The following ARHGAP6 variants were observed in gnomAD, a reference collection of about 807,000 sequenced individuals.
The protein encoded by ARHGAP6 is rho GTPase-activating protein 6.
A neutral mutation model predicts 55.7 loss-of-function variants in ARHGAP6; 16 were observed. The observed-to-expected ratio is 0.29, with a 90% CI of 0.19 to 0.44. The LOEUF (loss-of-function observed/expected upper bound fraction) is 0.44, where lower values mean the gene tolerates loss of function less well. ARHGAP6 is among the 20% of genes least tolerant of loss of function. ARHGAP6 has a pLI of 1.00. For synonymous variants in ARHGAP6, 382 were observed against 360.9 expected (o/e 1.06, Z -0.66); for missense variants, 698 against 808.9 (o/e 0.86, Z 1.66).
At chrX:11,548,908 C>CT (rs2051239236) in intron 1 of ARHGAP6, among the ~76,000 whole-genome samples, 1 of 111,898 alleles carries the variant, frequency 8.9e-6, no homozygotes, top group South Asian at 3.7e-4. Context: ...TGTGCCCAGC[C>CT]GGCTGAAAAG....
chrX:11,386,091 C>A (rs1355578145), intron 1 of ARHGAP6, among the ~76,000 whole-genome samples: 1 of 112,588 alleles, frequency 8.9e-6, no homozygotes. Flanking sequence ...AAGGACAGAG[C>A]AGGCACAGCA....
In ARHGAP6 at chrX:11,569,095, GAAGA is replaced by G. The variant is rs747288442; in HGVS notation, c.588+95142_588+95145del. Among the ~76,000 whole-genome samples, 298 of 111,985 alleles carry G rather than the reference GAAGA, an allele frequency of 2.7e-3. 2 individuals carry two copies. The highest frequency in any genetic ancestry group is 9.0e-3 in the African/African-American group (277 of 30,805). ...AAAACAAGGAAGGACTAGTAGAGCA[GAAGA>G]AAGAGGGGGTTCTACACTAGTCGTT... On this transcript the variant is annotated intron_variant, in intron 1 of 12. Coordinates refer to ENST00000337414, the MANE Select transcript of ARHGAP6 (RefSeq NM_013427.3).
intron 1 of ARHGAP6, among the ~76,000 whole-genome samples, chrX:11,318,890 G>A (rs2048392627): frequency 8.9e-6 from 1 of 111,915 alleles, no homozygotes; most frequent in African/African-American, 3.2e-5. Context: ...CAGAGGGGAG[G>A]GAAGAGCAAA....
intron 1 of ARHGAP6, chrX:11,335,307 G>A (rs1273299150): frequency 8.3e-6 from 1 of 120,338 alleles, no homozygotes; most frequent in Non-Finnish European, 1.7e-5. Flanking sequence ...ATGCCATAGT[G>A]GTTTTCTGTA....
At chrX:11,423,944 G>T (rs1004217383) in intron 1 of ARHGAP6, among the ~76,000 whole-genome samples, 1 of 112,283 alleles carries the variant, frequency 8.9e-6, no homozygotes, top group African/African-American at 3.2e-5. Flanking sequence ...ATTTTTTTTA[G>T]TGTCTTTCAG....
intron 1 of ARHGAP6, among the ~76,000 whole-genome samples, chrX:11,516,083 C>G (rs1202642661): frequency 8.9e-6 from 1 of 112,596 alleles, no homozygotes; most frequent in East Asian, 2.8e-4. Context: ...GGAACTCTCT[C>G]TGCTACCATG....
intron 1 of ARHGAP6, among the ~76,000 whole-genome samples, chrX:11,562,896 T>A (rs1317345174): frequency 8.9e-6 from 1 of 112,388 alleles, no homozygotes; most frequent in Non-Finnish European, 1.9e-5. Flanking sequence ...TTTATGTTAA[T>A]TTGATTCACC....
At chrX:11,359,983 A>G (rs1201950083) in intron 1 of ARHGAP6, among the ~76,000 whole-genome samples, 1 of 111,838 alleles carries the variant, frequency 8.9e-6, no homozygotes, top group African/African-American at 3.3e-5. Flanking sequence ...GAATAGACCA[A>G]TAACAGGCTC....
intron 1 of ARHGAP6, chrX:11,265,875 G>T: frequency 2.1e-6 from 2 of 951,196 alleles, no homozygotes; most frequent in Non-Finnish European, 2.7e-6. Flanking sequence ...GATACCTTTT[G>T]TTGCCAGAGA....
At chrX:11,201,520 C>G (rs972582344) in intron 2 of ARHGAP6, among the ~76,000 whole-genome samples, 18 of 111,723 alleles carry the variant, frequency 1.6e-4, no homozygotes, top group African/African-American at 5.5e-4. Context: ...CAGGACTATC[C>G]AATGTCAAAG....
chrX:11,358,485 C>CTTTCTTTT (rs755054708), intron 1 of ARHGAP6, among the ~76,000 whole-genome samples: 1 of 39,506 alleles, frequency 2.5e-5, no homozygotes, highest in African/African-American at 1.0e-4. Context: ...TTCTTTCTTT[C>CTTTCTTTT]TTTTTTTTTT....
intron 1 of ARHGAP6, among the ~76,000 whole-genome samples, chrX:11,606,779 T>C (rs901954098): frequency 3.6e-5 from 4 of 111,866 alleles, no homozygotes; most frequent in Non-Finnish European, 7.5e-5. Flanking sequence ...TTAATTTAGG[T>C]ACCACTTTCA....
intron 1 of ARHGAP6, among the ~76,000 whole-genome samples, chrX:11,452,816 C>T (rs2050156192): frequency 9.0e-6 from 1 of 110,957 alleles, no homozygotes. Context: ...TGGGCTTTGT[C>T]CAAGGGCAGA....
chrX:11,260,116 G>C (rs1302585832), intron 1 of ARHGAP6, among the ~76,000 whole-genome samples: 1 of 110,781 alleles, frequency 9.0e-6, no homozygotes, highest in Non-Finnish European at 1.9e-5. Context: ...TTGGCTGCTA[G>C]CTTTACAGAT....
intron 1 of ARHGAP6, among the ~76,000 whole-genome samples, chrX:11,549,575 C>T (rs1414574026): frequency 8.9e-6 from 1 of 111,898 alleles, no homozygotes. Flanking sequence ...GTAATGTGCA[C>T]ACAAATCACC....
intron 1 of ARHGAP6, among the ~76,000 whole-genome samples, chrX:11,293,194 C>T (rs1206335806): frequency 8.9e-6 from 1 of 112,279 alleles, no homozygotes; most frequent in Non-Finnish European, 1.9e-5. Context: ...TTCAAAATAG[C>T]GTGATGAAAC....
At chrX:11,500,490 G>A (rs1437124143) in intron 1 of ARHGAP6, among the ~76,000 whole-genome samples, 1 of 108,444 alleles carries the variant, frequency 9.2e-6, no homozygotes, top group Non-Finnish European at 1.9e-5. Context: ...GTGAAACCCC[G>A]TCTCTGCTAA....
At chrX:11,176,032 T>C (rs2046208344) in intron 8 of ARHGAP6, among the ~76,000 whole-genome samples, 1 of 103,307 alleles carries the variant, frequency 9.7e-6, no homozygotes, top group Non-Finnish European at 2.0e-5. Flanking sequence ...ACTGTCCTAA[T>C]AACTCTGCAA....
intron 1 of ARHGAP6, among the ~76,000 whole-genome samples, chrX:11,467,575 T>C (rs910195821): frequency 2.7e-5 from 3 of 111,485 alleles, no homozygotes; most frequent in Admixed American, 9.5e-5. Flanking sequence ...CAAGGAGCAA[T>C]GGACTACAGA....
Sources: gnomAD v4.1 joint callset for allele counts (sites outside exome capture counted in the v4.1 genomes callset) on GRCh38, gnomAD v4.1.1 for gene constraint, MANE v1.5 for transcripts, NCBI Gene and HGNC (gene_info 2026-07-23, HGNC 2026-07-21) for gene names.